The following ART3 variants were observed in gnomAD, a reference collection of about 807,000 sequenced individuals.
The protein encoded by ART3 is ecto-ADP-ribosyltransferase 3.
In ART3, 49 loss-of-function variants were observed where a neutral mutation model predicts 48.5. The observed-to-expected ratio is 1.01, with a 90% CI of 0.80 to 1.28. The LOEUF is 1.28. Among genes scored for constraint, ART3 ranks in the 50% most tolerant of loss-of-function variants. ART3 has a pLI of 0.00. For synonymous variants in ART3, 145 were observed against 157.2 expected (o/e 0.92, Z 0.58); for missense variants, 438 against 454.3 (o/e 0.96, Z 0.33).
intron 3 of ART3, among the ~76,000 whole-genome samples, chr4:76,092,672 C>G (rs957566270): frequency 6.6e-6 from 1 of 151,848 alleles, no homozygotes; most frequent in Non-Finnish European, 1.5e-5. Flanking sequence ...TTTGTAGGTT[C>G]ATAGTTTTCA....
chr4:76,112,719 CT>C lies in ART3; in HGVS notation c.*202del. 1 of 463,610 alleles carries C rather than the reference CT, an allele frequency of 2.2e-6. No individual in the cohort carries two copies. Among genetic ancestry groups the C allele is most frequent in the Non-Finnish European group, 3.6e-6 (1 of 275,670 alleles). 28.7% of individuals were successfully genotyped at this position (463,610 alleles called of 1,614,324 possible). ...CAGAACTTTTCACTTGTATACTACT[CT>C]TACAATGGAAAAAAATCCCGAAAAC... On this transcript the variant is annotated 3_prime_UTR_variant, in exon 12 of 12. Coordinates refer to ENST00000355810, the MANE Select transcript of ART3 (RefSeq NM_001130016.3).
chr4:76,018,264 A>G (rs1326253780), intron 1 of ART3, among the ~76,000 whole-genome samples: 1 of 152,208 alleles, frequency 6.6e-6, no homozygotes. Flanking sequence ...ACTAAAAAAG[A>G]ACAAAATCAT....
At chr4:76,055,312 T>C (rs1718583540) in intron 1 of ART3, among the ~76,000 whole-genome samples, 1 of 152,212 alleles carries the variant, frequency 6.6e-6, no homozygotes, top group Admixed American at 6.5e-5. Context: ...TCCAGAATAA[T>C]TGCCATCATT....
upstream of ART3, among the ~76,000 whole-genome samples, chr4:76,070,279 A>C (rs1720183233): frequency 2.0e-5 from 3 of 152,236 alleles, no homozygotes; most frequent in Admixed American, 1.3e-4. Context: ...TTGTTTAAAA[A>C]ATAGCTGTAT....
intron 2 of ART3, among the ~76,000 whole-genome samples, chr4:76,080,558 T>A (rs1172777076): frequency 6.6e-6 from 1 of 152,206 alleles, no homozygotes; most frequent in Non-Finnish European, 1.5e-5. Context: ...TTGCCCAGGC[T>A]GGAGTGCTGT....
chr4:76,064,741 G>C (rs991167445), intron 1 of ART3, among the ~76,000 whole-genome samples: 5 of 152,126 alleles, frequency 3.3e-5, no homozygotes, highest in Admixed American at 3.3e-4. Context: ...GTACCAAAAA[G>C]AGAATATTGA....
At chr4:76,061,917 AT>A (rs1719251544) in intron 1 of ART3, among the ~76,000 whole-genome samples, 1 of 152,332 alleles carries the variant, frequency 6.6e-6, no homozygotes, top group Admixed American at 6.5e-5. Flanking sequence ...ACTGAAGTGG[AT>A]TTTTACACGA....
At position 76,036,157 on chromosome 4, in the gene ART3, A is replaced by G. The variant is rs939776923; in HGVS notation, c.-10+24837A>G. ...GCACAGGAATTTCCCTCTTTGAGTC[A>G]TGCACCTTTCCTGCTTCCAAGAGTT... On this transcript the variant is annotated intron_variant, in intron 1 of 9. Coordinates refer to the ART3 transcript ENST00000341029. 5.4e-5 allele frequency: 32 copies of G among 592,492 alleles called. No individual in the cohort carries two copies. The African/African-American group carries it at 5.7e-4, about 11-fold the overall frequency. The allele number at this position is 592,492 out of a possible 1,614,324, so 36.7% of individuals were successfully genotyped here. A position where few individuals can be genotyped will look rare whatever the true frequency, so the allele number is the denominator to read the frequency against.
At chr4:76,023,896 C>T (rs1246332442) in intron 1 of ART3, among the ~76,000 whole-genome samples, 1 of 152,130 alleles carries the variant, frequency 6.6e-6, no homozygotes, top group Non-Finnish European at 1.5e-5. Flanking sequence ...TATAGGTAAA[C>T]CTAATTTTTT....
intron 1 of ART3, among the ~76,000 whole-genome samples, chr4:76,026,976 G>A (rs1469283092): frequency 6.6e-6 from 1 of 152,228 alleles, no homozygotes; most frequent in Non-Finnish European, 1.5e-5. Flanking sequence ...TATGGGCCGG[G>A]CAAGGTGGCT....
At chr4:76,044,709 C>G (rs1381588834) in intron 1 of ART3, among the ~76,000 whole-genome samples, 1 of 151,976 alleles carries the variant, frequency 6.6e-6, no homozygotes, top group Non-Finnish European at 1.5e-5. Context: ...CGTTCTGTCT[C>G]TCTGTCTCTT....
At chr4:76,060,175 C>T (rs1719073762) in intron 1 of ART3, among the ~76,000 whole-genome samples, 1 of 152,088 alleles carries the variant, frequency 6.6e-6, no homozygotes, top group Non-Finnish European at 1.5e-5. Context: ...AAGCCTTTGT[C>T]CTATTTTCTT....
chr4:76,083,420 C>T (rs369108148), intron 3 of ART3, among the ~76,000 whole-genome samples: 44 of 152,070 alleles, frequency 2.9e-4, no homozygotes, highest in African/African-American at 1.1e-3. Context: ...CCCTCATCTA[C>T]CGTGTATTAG....
intron 1 of ART3, among the ~76,000 whole-genome samples, chr4:76,039,662 G>A (rs1303782168): frequency 6.6e-6 from 1 of 152,120 alleles, no homozygotes; most frequent in Non-Finnish European, 1.5e-5. Context: ...ACAAACAATA[G>A]TGAATATTTC....
At chr4:76,032,118 C>T (rs1312226843) in intron 1 of ART3, among the ~76,000 whole-genome samples, 1 of 152,016 alleles carries the variant, frequency 6.6e-6, no homozygotes, top group Non-Finnish European at 1.5e-5. Context: ...CTATGAAGAA[C>T]TTTAGGTGTA....
chr4:76,024,112 G>A lies in ART3; in HGVS notation c.-10+12792G>A, dbSNP rs78280002. ...TAGCCTCCAACATAACTATTTTGAG[G>A]GAAAACATTGCTCATTTGGGTATCT... is the stretch of plus-strand genomic sequence containing the variant. On this transcript the variant is annotated intron_variant, in intron 1 of 9. Transcript: ENST00000341029. 1.2e-4 allele frequency among the ~76,000 whole-genome samples: 19 copies of A among 152,194 alleles called. 1 individual carries two copies. In the East Asian group the frequency reaches 3.7e-3, roughly 29 times the overall value.
chr4:76,050,664 C>A (rs1291334029), intron 1 of ART3, among the ~76,000 whole-genome samples: 1 of 152,224 alleles, frequency 6.6e-6, no homozygotes, highest in African/African-American at 2.4e-5. Context: ...CCGCACTCCT[C>A]AGCCCTTGGG....
At chr4:76,098,217 A>G (rs1454343108) in intron 4 of ART3, among the ~76,000 whole-genome samples, 3 of 146,196 alleles carry the variant, frequency 2.1e-5, no homozygotes, top group African/African-American at 7.6e-5. Flanking sequence ...AAAAAAAAAA[A>G]TCTTTCTTAG....
chr4:76,015,009 C>G (rs914349337), intron 1 of ART3, among the ~76,000 whole-genome samples: 14 of 152,100 alleles, frequency 9.2e-5, no homozygotes, highest in Admixed American at 1.3e-4. Context: ...TAGACTGAAG[C>G]TAGGGGGAGT....
Sources: allele counts gnomAD v4.1 joint callset (sites outside exome capture counted in the v4.1 genomes callset), GRCh38; gene constraint gnomAD v4.1.1; transcripts MANE v1.5; gene names NCBI Gene and HGNC (gene_info 2026-07-23, HGNC 2026-07-21).